NKAIN3: variants seen among roughly 807,000 people sequenced by gnomAD.
The protein encoded by NKAIN3 is sodium/potassium-transporting ATPase subunit beta-1-interacting protein 3.
In NKAIN3, 25 loss-of-function variants were observed where a neutral mutation model predicts 30.2. The observed-to-expected ratio is 0.83, with a 90% CI of 0.60 to 1.16. The LOEUF is 1.16. Ranked by LOEUF, NKAIN3 falls within the 50% of genes most tolerant of loss-of-function variation. The pLI is 0.00. For missense variants in NKAIN3, 225 were observed against 254.1 expected (o/e 0.89, Z 0.78); for synonymous variants, 91 against 89.6 (o/e 1.02, Z -0.09).
At chr8:62,333,056 T>C (rs918555181) in intron 1 of NKAIN3, among the ~76,000 whole-genome samples, 5 of 152,178 alleles carry the variant, frequency 3.3e-5, no homozygotes, top group African/African-American at 4.8e-5. Context: ...GAGATTGTTT[T>C]TTAAAATGCA....
intron 1 of NKAIN3, among the ~76,000 whole-genome samples, chr8:62,351,242 A>G (rs1452202653): frequency 6.7e-6 from 1 of 150,150 alleles, no homozygotes; most frequent in Non-Finnish European, 1.5e-5. Flanking sequence ...TTTCTTGTAT[A>G]AAATGGGAGA....
intron 4 of NKAIN3, among the ~76,000 whole-genome samples, chr8:62,804,222 C>T (rs1818188222): frequency 6.6e-6 from 1 of 152,076 alleles, no homozygotes; most frequent in Non-Finnish European, 1.5e-5. Flanking sequence ...GAAACTATTC[C>T]AATCAATAGG....
intron 1 of NKAIN3, among the ~76,000 whole-genome samples, chr8:62,335,162 C>T (rs1815498008): frequency 6.6e-6 from 1 of 152,022 alleles, no homozygotes; most frequent in Non-Finnish European, 1.5e-5. Context: ...CAGCAGGGCA[C>T]AGTGGCTCAA....
At chr8:62,437,145 G>A (rs2129597969) in intron 1 of NKAIN3, among the ~76,000 whole-genome samples, 1 of 126,490 alleles carries the variant, frequency 7.9e-6, no homozygotes, top group Admixed American at 8.0e-5. Context: ...TATGAACAGA[G>A]GTAGAATAGA....
chr8:62,919,385 C>T (rs139218928), intron 5 of NKAIN3, among the ~76,000 whole-genome samples: 2,493 of 151,514 alleles, frequency 0.016, 85 homozygotes, highest in African/African-American at 0.057. Flanking sequence ...GCTGGAACTA[C>T]AGGCACCCGC....
chr8:62,466,209 G>T (rs1176286514), intron 1 of NKAIN3, among the ~76,000 whole-genome samples: 1 of 151,922 alleles, frequency 6.6e-6, no homozygotes, highest in South Asian at 2.1e-4. Flanking sequence ...TTTGGACAGA[G>T]GAAATTTGAA....
chr8:62,325,341 A>T (rs941771319), intron 1 of NKAIN3, among the ~76,000 whole-genome samples: 1 of 152,134 alleles, frequency 6.6e-6, no homozygotes, highest in Non-Finnish European at 1.5e-5. Context: ...GTGGTATTCC[A>T]TGGTGTATAT....
intron 4 of NKAIN3, among the ~76,000 whole-genome samples, chr8:62,881,730 A>G (rs1305242602): frequency 2.0e-5 from 3 of 152,220 alleles, no homozygotes; most frequent in Non-Finnish European, 2.9e-5. Context: ...AACATGTTTT[A>G]AACTGTTTTG....
intron 4 of NKAIN3, among the ~76,000 whole-genome samples, chr8:62,879,035 G>A (rs1820889458): frequency 6.6e-6 from 1 of 152,166 alleles, no homozygotes; most frequent in East Asian, 1.9e-4. Context: ...CCAGTAATGG[G>A]ATGGCTGAGT....
intron 3 of NKAIN3, among the ~76,000 whole-genome samples, chr8:62,592,378 T>C (rs938670115): frequency 7.2e-5 from 11 of 152,064 alleles, no homozygotes; most frequent in African/African-American, 2.7e-4. Context: ...TAAATACTGA[T>C]AGATGTAATC....
At chr8:62,341,259 G>A (rs545495227) in intron 1 of NKAIN3, among the ~76,000 whole-genome samples, 1 of 152,082 alleles carries the variant, frequency 6.6e-6, no homozygotes, top group African/African-American at 2.4e-5. Context: ...CTTACTTAAA[G>A]CATGTGATTT....
chr8:62,290,308 C>T (rs1010760376), intron 1 of NKAIN3, among the ~76,000 whole-genome samples: 1 of 152,138 alleles, frequency 6.6e-6, no homozygotes, highest in Admixed American at 6.5e-5. Flanking sequence ...AGAGGGCATC[C>T]CTGTCTTGTG....
chr8:62,501,545 GT>G (rs1422463913), intron 1 of NKAIN3, among the ~76,000 whole-genome samples: 1 of 152,022 alleles, frequency 6.6e-6, no homozygotes, highest in Non-Finnish European at 1.5e-5. Flanking sequence ...TGTTGCTCTT[GT>G]TGTTCCTCCT....
chr8:62,929,171 G>A (rs1822540013), intron 5 of NKAIN3, among the ~76,000 whole-genome samples: 1 of 152,198 alleles, frequency 6.6e-6, no homozygotes, highest in East Asian at 1.9e-4. Context: ...CTTGACTTCA[G>A]AAGCAGCTTC....
chr8:62,316,637 C>A (rs1814642617), intron 1 of NKAIN3, among the ~76,000 whole-genome samples: 1 of 152,104 alleles, frequency 6.6e-6, no homozygotes, highest in East Asian at 1.9e-4. Flanking sequence ...CATAGTATTC[C>A]ATGGTGTATA....
intron 3 of NKAIN3, among the ~76,000 whole-genome samples, chr8:62,700,358 A>T (rs1047638764): frequency 3.3e-5 from 5 of 152,234 alleles, no homozygotes; most frequent in African/African-American, 1.2e-4. Context: ...TCTTGTGCTT[A>T]AACACTGGTG....
intron 1 of NKAIN3, among the ~76,000 whole-genome samples, chr8:62,472,982 C>CT (rs1337910080): frequency 6.6e-6 from 1 of 152,216 alleles, no homozygotes; most frequent in Non-Finnish European, 1.5e-5. Flanking sequence ...CTGTCTTGTG[C>CT]TTTAAAACAT....
chr8:62,866,184 G>A (rs1484718881), intron 4 of NKAIN3, among the ~76,000 whole-genome samples: 1 of 152,178 alleles, frequency 6.6e-6, no homozygotes, highest in Non-Finnish European at 1.5e-5. Context: ...TGTAACTTAA[G>A]CTCCACATAG....
At chr8:62,997,401 A>G (rs1267692104) in intron 5 of NKAIN3, among the ~76,000 whole-genome samples, 3 of 152,146 alleles carry the variant, frequency 2.0e-5, no homozygotes, top group Non-Finnish European at 4.4e-5. Flanking sequence ...GAAGAGGTGA[A>G]CAGAAAAAAA....
Sources: allele counts gnomAD v4.1 joint callset (sites outside exome capture counted in the v4.1 genomes callset), GRCh38; gene constraint gnomAD v4.1.1; transcripts MANE v1.5; gene names NCBI Gene and HGNC (gene_info 2026-07-23, HGNC 2026-07-21).